SLC8A1: variants seen among roughly 807,000 people sequenced by gnomAD.
The protein encoded by SLC8A1 is solute carrier family 8 member A1.
In SLC8A1, 18 loss-of-function variants were observed where a neutral mutation model predicts 68.3. That is an observed-to-expected ratio of 0.26 (90% confidence interval 0.18 to 0.39). The LOEUF (loss-of-function observed/expected upper bound fraction) is 0.39. Among genes scored for constraint, SLC8A1 ranks in the 10% least tolerant of loss-of-function variants. The pLI, the probability that SLC8A1 is intolerant of heterozygous loss-of-function variation, is 1.00. For missense variants in SLC8A1, 985 were observed against 1,156.7 expected (o/e 0.85, Z 2.15); for synonymous variants, 475 against 415.5 (o/e 1.14, Z -1.74).
At chr2:40,501,721 T>C (rs983774409) in intron 1 of SLC8A1, among the ~76,000 whole-genome samples, 1 of 152,114 alleles carries the variant, frequency 6.6e-6, no homozygotes, top group African/African-American at 2.4e-5. Flanking sequence ...TGCTTCATCA[T>C]GTCCTTTTGG....
At chr2:40,253,047 GT>G (rs1246537677) in intron 2 of SLC8A1, among the ~76,000 whole-genome samples, 1 of 69,456 alleles carries the variant, frequency 1.4e-5, no homozygotes, top group African/African-American at 5.4e-5. Context: ...ATCAGTATAT[GT>G]ATATATGTAC....
At chr2:40,452,895 A>C (rs964092190), upstream of SLC8A1, among the ~76,000 whole-genome samples, 1 of 152,108 alleles carries the variant, frequency 6.6e-6, no homozygotes, top group Non-Finnish European at 1.5e-5. Flanking sequence ...TTTAAACTAC[A>C]GTGAGGAGTA....
intron 2 of SLC8A1, among the ~76,000 whole-genome samples, chr2:40,231,523 T>C (rs1419078624): frequency 6.6e-6 from 1 of 152,178 alleles, no homozygotes; most frequent in Non-Finnish European, 1.5e-5. Context: ...TGAGTCTCAG[T>C]TGAACTATTC....
chr2:40,417,709 G>C (rs542402540), intron 2 of SLC8A1, among the ~76,000 whole-genome samples: 1 of 152,120 alleles, frequency 6.6e-6, no homozygotes. Context: ...GCCCCAAAGC[G>C]TGGGCCTTTA....
At chr2:40,214,430 A>ACTAT (rs1392486898) in intron 2 of SLC8A1, among the ~76,000 whole-genome samples, 5 of 145,188 alleles carry the variant, frequency 3.4e-5, no homozygotes, top group Non-Finnish European at 7.5e-5. Context: ...TTCTTTGTAC[A>ACTAT]CTATCTTTTT....
chr2:40,293,879 T>C (rs1035554530), intron 2 of SLC8A1, among the ~76,000 whole-genome samples: 10 of 152,118 alleles, frequency 6.6e-5, no homozygotes, highest in Non-Finnish European at 1.5e-4. Flanking sequence ...ACTGAGTCAG[T>C]CGTAAAACAG....
intron 6 of SLC8A1, among the ~76,000 whole-genome samples, chr2:40,146,019 T>C (rs963742926): frequency 3.9e-5 from 6 of 152,212 alleles, no homozygotes; most frequent in African/African-American, 9.6e-5. Context: ...TATACCTTAA[T>C]TGGTGGGAAG....
chr2:40,117,623 G>C (rs931064654), intron 7 of SLC8A1, among the ~76,000 whole-genome samples: 1 of 151,362 alleles, frequency 6.6e-6, no homozygotes. Flanking sequence ...TAGGATTATA[G>C]CAGATATTAA....
At chr2:40,132,302 T>C (rs900734278) in intron 7 of SLC8A1, among the ~76,000 whole-genome samples, 1 of 152,146 alleles carries the variant, frequency 6.6e-6, no homozygotes, top group Non-Finnish European at 1.5e-5. Flanking sequence ...TGGCTAAATA[T>C]GGACAAGTCA....
chr2:40,285,446 C>T (rs769876296), intron 2 of SLC8A1, among the ~76,000 whole-genome samples: 20 of 152,070 alleles, frequency 1.3e-4, no homozygotes, highest in Non-Finnish European at 2.5e-4. Flanking sequence ...TTGTCTGGTT[C>T]TTTCACATTC....
exon 8 of SLC8A1, chr2:40,114,310 T>A (rs1263739361): frequency 6.5e-6 from 1 of 152,740 alleles, no homozygotes; most frequent in Non-Finnish European, 1.5e-5. Flanking sequence ...AACGGCAACA[T>A]GGGACTGAGA....
At chr2:40,191,534 T>C (rs2051840732) in intron 2 of SLC8A1, among the ~76,000 whole-genome samples, 1 of 152,202 alleles carries the variant, frequency 6.6e-6, no homozygotes, top group Non-Finnish European at 1.5e-5. Flanking sequence ...TTGCTTTCTT[T>C]CCCTTTTTTG....
intron 5 of SLC8A1, among the ~76,000 whole-genome samples, chr2:40,161,491 G>C (rs1558575377): frequency 2.0e-5 from 3 of 152,120 alleles, no homozygotes; most frequent in Non-Finnish European, 2.9e-5. Flanking sequence ...AGTTCTTATG[G>C]TTTAGGGCAC....
At chr2:40,353,670 A>G (rs575253725) in intron 2 of SLC8A1, among the ~76,000 whole-genome samples, 2 of 152,240 alleles carry the variant, frequency 1.3e-5, no homozygotes, top group Non-Finnish European at 2.9e-5. Flanking sequence ...TGTAATCCAC[A>G]GATGCCCCCT....
At chr2:40,446,571 A>T (rs1351781340) in intron 1 of SLC8A1, 1 of 152,232 alleles carries the variant, frequency 6.6e-6, no homozygotes, top group Non-Finnish European at 1.5e-5. Flanking sequence ...CTCCTTCAGC[A>T]CTTTGCTCAG....
intron 2 of SLC8A1, among the ~76,000 whole-genome samples, chr2:40,320,329 A>G (rs1229092625): frequency 2.0e-5 from 3 of 152,116 alleles, no homozygotes; most frequent in Non-Finnish European, 4.4e-5. Flanking sequence ...ACAGGGGTCA[A>G]CCTTGTCCTC....
intron 2 of SLC8A1, among the ~76,000 whole-genome samples, chr2:40,376,578 A>C (rs1679934471): frequency 6.6e-6 from 1 of 151,706 alleles, no homozygotes; most frequent in Admixed American, 6.6e-5. Context: ...AAAGGAAAAG[A>C]AAGGAAAAGG....
chr2:40,222,619 T>A (rs1308347214), intron 2 of SLC8A1, among the ~76,000 whole-genome samples: 1 of 151,976 alleles, frequency 6.6e-6, no homozygotes, highest in Admixed American at 6.6e-5. Flanking sequence ...CTGCAATCTA[T>A]CCATCTGACA....
exon 8 of SLC8A1, chr2:40,110,871 T>C (rs1472787753): frequency 6.6e-6 from 1 of 152,174 alleles, no homozygotes; most frequent in Non-Finnish European, 1.5e-5. Flanking sequence ...CATCATCATC[T>C]ACCAGAGAAA....
Sources: allele counts gnomAD v4.1 joint callset (sites outside exome capture counted in the v4.1 genomes callset), GRCh38; gene constraint gnomAD v4.1.1; transcripts MANE v1.5; gene names NCBI Gene and HGNC (gene_info 2026-07-23, HGNC 2026-07-21).